VAC14: variants seen among roughly 807,000 people sequenced by gnomAD.
VAC14 encodes protein VAC14 homolog.
In VAC14, 47 loss-of-function variants were observed where a neutral mutation model predicts 85.3. That is an observed-to-expected ratio of 0.55 (90% CI 0.44 to 0.70). The LOEUF (loss-of-function observed/expected upper bound fraction) is 0.70. VAC14 is among the 30% of genes least tolerant of loss of function. The pLI is 0.00. For missense variants in VAC14, 861 were observed against 1,004.3 expected (o/e 0.86, Z 1.93); for synonymous variants, 447 against 430.5 (o/e 1.04, Z -0.47).
chr16:70,733,091 A>AT (rs2054641613), intron 13 of VAC14, among the ~76,000 whole-genome samples: 1 of 152,216 alleles, frequency 6.6e-6, no homozygotes, highest in African/African-American at 2.4e-5. Context: ...ATTTCAGAAC[A>AT]TTTTTATCAA....
At chr16:70,793,189 C>T (rs1043130635) in intron 1 of VAC14, among the ~76,000 whole-genome samples, 2 of 152,238 alleles carry the variant, frequency 1.3e-5, no homozygotes, top group African/African-American at 4.8e-5. Flanking sequence ...TCCTTCCATA[C>T]ACAGGGAGTA....
rs577511506 is a variant in VAC14, at chr16:70,731,281, G to A, written c.1661+214C>T. ...AAGCAAAAAATGAATTCAGTTGTGC[G>A]GAAAAACATCAACACTGACCTGTCT... On this transcript the variant is annotated intron_variant, in intron 14 of 18. Coordinates refer to ENST00000261776, the MANE Select transcript of VAC14 (RefSeq NM_018052.5). 7.6e-5 allele frequency: 101 copies of A among 1,330,930 alleles called. 1 individual carries two copies. In the South Asian group the frequency reaches 1.3e-3, roughly 17 times the overall value. The allele number at this position is 1,330,930 out of a possible 1,614,324, so 82.4% of individuals were successfully genotyped here. A position where few individuals can be genotyped will look rare whatever the true frequency, so the allele number is the denominator to read the frequency against.
chr16:70,698,466 C>T (rs539642956), intron 15 of VAC14, among the ~76,000 whole-genome samples, 171 bp downstream of exon 15: 5 of 152,278 alleles, frequency 3.3e-5, no homozygotes, highest in South Asian at 4.1e-4. Context: ...GTTAGTGCTG[C>T]GCAGCCACTC....
At chr16:70,719,341 C>CA (rs370731035) in intron 14 of VAC14, among the ~76,000 whole-genome samples, 104 of 151,466 alleles carry the variant, frequency 6.9e-4, no homozygotes, top group African/African-American at 8.2e-4. Context: ...CATCACAAAA[C>CA]AAAAAAAATG....
At chr16:70,781,770 T>C (rs2033822367) in intron 8 of VAC14, 99 bp downstream of exon 8, 3 of 1,485,672 alleles carry the variant, frequency 2.0e-6, no homozygotes, top group Admixed American at 2.1e-5. Flanking sequence ...GGAAGTGTGA[T>C]GGATCCTAAG....
chr16:70,786,109 A>G (rs2034042733), intron 2 of VAC14, 106 bp downstream of exon 2: 1 of 1,511,016 alleles, frequency 6.6e-7, no homozygotes, highest in African/African-American at 1.4e-5. Context: ...GTAATAAAAC[A>G]TAGGTCTGCA....
intron 1 of VAC14, among the ~76,000 whole-genome samples, chr16:70,795,493 C>T (rs1214127797): frequency 2.0e-5 from 2 of 100,134 alleles, no homozygotes; most frequent in African/African-American, 3.7e-5. Context: ...GAGACTCTGT[C>T]TAAAAAAAAA....
chr16:70,782,436 C>G (rs1051888951), intron 7 of VAC14, among the ~76,000 whole-genome samples: 1 of 152,228 alleles, frequency 6.6e-6, no homozygotes, highest in Non-Finnish European at 1.5e-5. Context: ...ATGAGCATGC[C>G]CAGGCTAGCC....
intron 14 of VAC14, among the ~76,000 whole-genome samples, chr16:70,706,003 G>C (rs1337275395): frequency 6.6e-6 from 1 of 152,162 alleles, no homozygotes; most frequent in East Asian, 1.9e-4. Flanking sequence ...ACCACCCCAA[G>C]AACCCTATCG....
intron 13 of VAC14, among the ~76,000 whole-genome samples, chr16:70,742,068 G>A (rs957648663): frequency 6.6e-5 from 10 of 152,204 alleles, no homozygotes; most frequent in African/African-American, 7.2e-5. Flanking sequence ...CTCTGTGCCC[G>A]GGAGGAAGAG....
In VAC14 at chr16:70,744,532, G is replaced by C. The variant is rs139344687; in HGVS notation, c.1419C>G (p.Pro473=). 6.2e-7 allele frequency: 1 copy of C among 1,611,150 alleles called. No individual in the cohort carries two copies. The highest frequency in any genetic ancestry group is 1.7e-5 in the Admixed American group (1 of 59,302). The stretch of plus-strand genomic sequence containing the variant: ...GGCCTGGGTCATCCGTCTGGCCTGC[G>C]GGGGAGGAAGCGATTTCTGCCAGCA... ...LEVLAEIASS[P]AGQTDDPGPL... Residue 473 remains proline, a synonymous_variant, in exon 13 of 19, where the codon CCC becomes CCG. Transcript: ENST00000261776.
chr16:70,688,151 G>A, intron 18 of VAC14, 61 bp from the exon 19 acceptor site: 1 of 1,420,194 alleles, frequency 7.0e-7, no homozygotes, highest in Non-Finnish European at 9.3e-7. Flanking sequence ...GGTTACTGCT[G>A]GAGGGCAGTG....
At chr16:70,698,020 G>A (rs766890344) in intron 15 of VAC14, among the ~76,000 whole-genome samples, 3 of 152,160 alleles carry the variant, frequency 2.0e-5, no homozygotes, top group East Asian at 3.9e-4. Context: ...CCTGGGACCC[G>A]CGTCTCTCCT....
chr16:70,688,940 A>G (rs2053548292), intron 18 of VAC14: 1 of 985,386 alleles, frequency 1.0e-6, no homozygotes, highest in African/African-American at 1.7e-5. Context: ...TGGGCTAGGA[A>G]GTATCTGTTT....
intron 10 of VAC14, chr16:70,771,610 AT>A (rs1326288258): frequency 6.7e-6 from 1 of 148,688 alleles, no homozygotes; most frequent in Non-Finnish European, 1.5e-5. Flanking sequence ...TTTTTAAGAC[AT>A]GGTCTCACTC....
chr16:70,759,113 C>T (rs1335850032), intron 12 of VAC14, among the ~76,000 whole-genome samples: 3 of 152,162 alleles, frequency 2.0e-5, no homozygotes, highest in Non-Finnish European at 2.9e-5. Flanking sequence ...GGCTCTGCTG[C>T]GCCAGCTCTT....
At chr16:70,737,250 A>G (rs1355853526) in intron 13 of VAC14, among the ~76,000 whole-genome samples, 3 of 152,132 alleles carry the variant, frequency 2.0e-5, no homozygotes, top group Non-Finnish European at 4.4e-5. Context: ...GCATGAGGAA[A>G]GTGGGAGCCG....
At chr16:70,741,459 T>C (rs911292064) in intron 13 of VAC14, among the ~76,000 whole-genome samples, 2 of 152,208 alleles carry the variant, frequency 1.3e-5, no homozygotes, top group African/African-American at 4.8e-5. Flanking sequence ...AGCTGACCTT[T>C]TAAAATCATG....
At chr16:70,699,513 G>C (rs2053780656) in intron 14 of VAC14, 1 of 152,252 alleles carries the variant, frequency 6.6e-6, no homozygotes, top group Non-Finnish European at 1.5e-5. Context: ...GTCTAGTTAA[G>C]AGTCGTTCAG....
Sources: gnomAD v4.1 joint callset for allele counts (sites outside exome capture counted in the v4.1 genomes callset) on GRCh38, gnomAD v4.1.1 for gene constraint, MANE v1.5 for transcripts, NCBI Gene and HGNC (gene_info 2026-07-23, HGNC 2026-07-21) for gene names.